OR2A12: variants seen among roughly 807,000 people sequenced by gnomAD.
The protein encoded by OR2A12 is olfactory receptor family 2 subfamily A member 12.
For synonymous variants in OR2A12, 153 were observed against 149.3 expected (o/e 1.02, Z -0.18); for missense variants, 380 against 372.5 (o/e 1.02, Z -0.17).
At position 144,095,814 on chromosome 7, in the gene OR2A12, C is replaced by G. The variant is rs774954746; in HGVS notation, c.707C>G (p.Ala236Gly). 99 of 1,613,986 alleles carry G rather than the reference C, an allele frequency of 6.1e-5. No homozygotes were observed. Among genetic ancestry groups the G allele is most frequent in the Admixed American group, 1.7e-4 (10 of 59,996 alleles). The change falls in exon 2 of 2, where the codon GCC becomes GGC. Residue 236 changes from alanine (A) to glycine (G), a missense_variant. Physicochemically the swap from Ala to Gly is moderately conservative, Grantham distance 60. Coordinates refer to ENST00000641592, the MANE Select transcript of OR2A12 (RefSeq NM_001004135.2). Reference sequence around the variant, plus strand: ...CAGTCTGGGGAGGGCCGCAGAAAGGCCTTCTCTACCTGCTCCTCCCACCTC... The same window carrying G: ...CAGTCTGGGGAGGGCCGCAGAAAGGGCTTCTCTACCTGCTCCTCCCACCTC... ...RIQSGEGRRK[A>G]FSTCSSHLCV...
intron 1 of OR2A12, among the ~76,000 whole-genome samples, chr7:144,088,546 A>G (rs1006167216): frequency 1.3e-5 from 2 of 152,230 alleles, no homozygotes; most frequent in African/African-American, 4.8e-5. Context: ...ACTTGCTGGT[A>G]TTCTGATTTG....
At position 144,097,927 on chromosome 7, in the gene OR2A12, T is replaced by A. The variant is rs1393458281; in HGVS notation, c.*1887T>A. Reference sequence around the variant, plus strand: ...TTTAAACAATACACATAATTGCTATTGTGAAATAATATCTGATATTATAAA... The same window carrying A: ...TTTAAACAATACACATAATTGCTATAGTGAAATAATATCTGATATTATAAA... On this transcript the variant is annotated 3_prime_UTR_variant, in exon 2 of 2. Transcript: ENST00000641592. 6.6e-6 allele frequency: 1 copy of A among 152,180 alleles called. No homozygotes were observed. Among genetic ancestry groups the A allele is most frequent in the Non-Finnish European group, 1.5e-5 (1 of 68,022 alleles). 9.4% of individuals were successfully genotyped at this position (152,180 alleles called of 1,614,324 possible).
At chr7:144,090,527 T>C (rs555501144) in intron 1 of OR2A12, among the ~76,000 whole-genome samples, 36 of 152,270 alleles carry the variant, frequency 2.4e-4, no homozygotes, top group African/African-American at 7.9e-4. Context: ...TTATGGATAC[T>C]CTTTTTCTTC....
In OR2A12 at chr7:144,095,885, G is replaced by A; in HGVS notation, c.778G>A (p.Ala260Thr). ...FFGSAIVMYM[A>T]PKSSHSQERR... ...TGGCAGCGCCATTGTCATGTACATG[G>A]CCCCCAAGTCAAGCCATTCTCAAGA... Residue 260 changes from alanine to threonine, a missense_variant, in exon 2 of 2, where the codon GCC becomes ACC. Physicochemically the swap from Ala to Thr is moderately conservative, Grantham distance 58. Transcript: ENST00000641592. 6.2e-7 allele frequency: 1 copy of A among 1,614,004 alleles called. No individual in the cohort carries two copies. The highest frequency in any genetic ancestry group is 8.5e-7 in the Non-Finnish European group (1 of 1,179,982).
At chr7:144,087,273 G>A (rs2051193818) in intron 1 of OR2A12, among the ~76,000 whole-genome samples, 1 of 152,100 alleles carries the variant, frequency 6.6e-6, no homozygotes, top group Non-Finnish European at 1.5e-5. Context: ...GAGATGTCAG[G>A]TGCCAGGGGA....
At chr7:144,088,539 T>TG (rs2051203196) in intron 1 of OR2A12, among the ~76,000 whole-genome samples, 2 of 152,220 alleles carry the variant, frequency 1.3e-5, no homozygotes, top group African/African-American at 4.8e-5. Flanking sequence ...TAAAAAAACT[T>TG]GCTGGTATTC....
At position 144,096,372 on chromosome 7, in the gene OR2A12, G is replaced by A. The variant is rs77178897; in HGVS notation, c.*332G>A. The stretch of plus-strand genomic sequence containing the variant: ...CTTGGGAGGCTGAGGCAGGAGAATC[G>A]TTTGAACCCAGGAGGCGGAGGTTGC... On this transcript the variant is annotated 3_prime_UTR_variant, in exon 2 of 2. Coordinates refer to ENST00000641592, the MANE Select transcript of OR2A12 (RefSeq NM_001004135.2). 0.082 allele frequency: 14,832 copies of A among 180,192 alleles called. 1,068 individuals are homozygous for A. Among genetic ancestry groups the A allele is most frequent in the East Asian group, 0.38 (2,533 of 6,728 alleles). 11.2% of individuals were successfully genotyped at this position (180,192 alleles called of 1,614,324 possible).
chr7:144,093,749 T>C (rs1435821190), intron 1 of OR2A12, among the ~76,000 whole-genome samples: 1 of 151,416 alleles, frequency 6.6e-6, no homozygotes, highest in Non-Finnish European at 1.5e-5. Flanking sequence ...GTCCTTGTGA[T>C]AGTTTGCTGA....
chr7:144,092,645 G>A (rs1335840921), intron 1 of OR2A12, among the ~76,000 whole-genome samples: 3 of 152,032 alleles, frequency 2.0e-5, no homozygotes, highest in Admixed American at 2.0e-4. Context: ...CTTGACTGTT[G>A]TTGGTGTATA....
rs1442176759 is a variant in OR2A12 at position 144,096,898 on chromosome 7, A to G, written c.*858A>G. 1 of 152,208 alleles carries G rather than the reference A, an allele frequency of 6.6e-6. No homozygotes were observed. Among genetic ancestry groups the G allele is most frequent in the Non-Finnish European group, 1.5e-5 (1 of 68,042 alleles). The allele number at this position is 152,208 out of a possible 1,614,324, so 9.4% of individuals were successfully genotyped here. On this transcript the variant is annotated 3_prime_UTR_variant, in exon 2 of 2. Transcript: ENST00000641592. ...AGCAGACGTCATGGTTAATGGTGAA[A>G]TGTTAGCATCTGTCCTTTTCGGGTA...
intron 1 of OR2A12, among the ~76,000 whole-genome samples, chr7:144,088,658 C>T (rs2051204383): frequency 6.6e-6 from 1 of 152,138 alleles, no homozygotes; most frequent in African/African-American, 2.4e-5. Context: ...TGCATATATA[C>T]ATATCTCATT....
Position 144,096,068 on chromosome 7 carries a change from T to A in OR2A12, c.*28T>A. The A allele has an allele frequency of 6.7e-7, 1 of 1,501,256 alleles. No homozygotes were observed. The highest frequency in any genetic ancestry group is 9.0e-7 in the Non-Finnish European group (1 of 1,107,158). The allele number at this position is 1,501,256 out of a possible 1,614,324, so 93.0% of individuals were successfully genotyped here. The stretch of plus-strand genomic sequence containing the variant: ...AATCATTTGAGATATCCTGAGTGTG[T>A]AAGCATGGTTCTCATGACCCTGGGT... On this transcript the variant is annotated 3_prime_UTR_variant, in exon 2 of 2. Coordinates refer to ENST00000641592, the MANE Select transcript of OR2A12 (RefSeq NM_001004135.2).
At chr7:144,091,947 C>T (rs1319892194) in intron 1 of OR2A12, among the ~76,000 whole-genome samples, 4 of 151,994 alleles carry the variant, frequency 2.6e-5, no homozygotes, top group Non-Finnish European at 5.9e-5. Flanking sequence ...AGAACAGTAC[C>T]ACCTAGATTT....
rs2051260277 is a variant in OR2A12 at position 144,095,823 on chromosome 7, C to T, written c.716C>T (p.Thr239Ile). Residue 239 changes from threonine to isoleucine, a missense_variant, in exon 2 of 2, where the codon ACC becomes ATC. Physicochemically the swap from Thr to Ile is moderately conservative, Grantham distance 89 (BLOSUM62 -1). Transcript: ENST00000641592. Reference protein sequence around the residue: ...SGEGRRKAFSTCSSHLCVVGL... With the variant: ...SGEGRRKAFSICSSHLCVVGL... ...GAGGGCCGCAGAAAGGCCTTCTCTA[C>T]CTGCTCCTCCCACCTCTGCGTGGTG... 6.2e-7 allele frequency: 1 copy of T among 1,614,134 alleles called. No homozygotes were observed. Among genetic ancestry groups the T allele is most frequent in the Non-Finnish European group, 8.5e-7 (1 of 1,180,030 alleles).
At chr7:144,094,458 G>T (rs549835483) in intron 1 of OR2A12, among the ~76,000 whole-genome samples, 8 of 152,166 alleles carry the variant, frequency 5.3e-5, no homozygotes, top group African/African-American at 9.7e-5. Context: ...TAAAAGCTAA[G>T]TTCCAGGTAT....
chr7:144,095,941 C>T lies in OR2A12; in HGVS notation c.834C>T (p.Ser278=), dbSNP rs368911511. Residue 278 remains serine, a synonymous_variant, in exon 2 of 2, where the codon AGC becomes AGT. Coordinates refer to ENST00000641592, the MANE Select transcript of OR2A12 (RefSeq NM_001004135.2). ...GGAAGATCCTTTCCCTGTTTTACAG[C>T]CTTTTCAACCCGATCCTGAACCCCC... ...ERRKILSLFY[S]LFNPILNPLI... is the part of the protein sequence containing the mutation. 11 of 1,613,976 alleles carry T rather than the reference C, an allele frequency of 6.8e-6. No homozygotes were observed. The highest frequency in any genetic ancestry group is 3.3e-4 in the Middle Eastern group (2 of 6,084).
chr7:144,094,493 C>A (rs2051247906), intron 1 of OR2A12, among the ~76,000 whole-genome samples: 1 of 152,158 alleles, frequency 6.6e-6, no homozygotes, highest in African/African-American at 2.4e-5. Context: ...AGACTTGGAG[C>A]ATATTATGTT....
In OR2A12 at chr7:144,096,053, G is replaced by A. The variant is rs774452912; in HGVS notation, c.*13G>A. ...GAGATCAATGTGAAGAATCATTTGA[G>A]ATATCCTGAGTGTGTAAGCATGGTT... On this transcript the variant is annotated 3_prime_UTR_variant, in exon 2 of 2. Coordinates refer to ENST00000641592, the MANE Select transcript of OR2A12 (RefSeq NM_001004135.2). 1.0e-5 allele frequency: 16 copies of A among 1,556,902 alleles called. No individual in the cohort carries two copies. The highest frequency in any genetic ancestry group is 7.3e-5 in the South Asian group (6 of 82,036).
In OR2A12 at chr7:144,096,535, T is replaced by TA. The variant is rs35283132; in HGVS notation, c.*498dup. ...TAAGGCATTGATACCAAACCTGAGATAAACTTATGAAACAGAAAATCACAA... is the reference window on the plus strand; with the variant it reads ...TAAGGCATTGATACCAAACCTGAGATAAAACTTATGAAACAGAAAATCACAA... On this transcript the variant is annotated 3_prime_UTR_variant, in exon 2 of 2. Coordinates refer to ENST00000641592, the MANE Select transcript of OR2A12 (RefSeq NM_001004135.2). The TA allele has an allele frequency of 0.21, 32,402 of 152,610 alleles. 4,067 individuals are homozygous for TA. Among genetic ancestry groups the TA allele is most frequent in the African/African-American group, 0.34 (13,883 of 41,388 alleles). 9.5% of individuals were successfully genotyped at this position (152,610 alleles called of 1,614,324 possible).
Sources: gnomAD v4.1 joint callset for allele counts (sites outside exome capture counted in the v4.1 genomes callset) on GRCh38, gnomAD v4.1.1 for gene constraint, MANE v1.5 for transcripts, NCBI Gene and HGNC (gene_info 2026-07-23, HGNC 2026-07-21) for gene names.